WDR20: variants seen among roughly 807,000 people sequenced by gnomAD.
The protein encoded by WDR20 is WD repeat domain 20.
Under a neutral mutation model 38.7 loss-of-function variants are expected in WDR20, and 3 were observed. The ratio of observed to expected loss-of-function variants is 0.08; its 90% CI spans 0.04 to 0.20. WDR20 has a LOEUF of 0.20. Among genes scored for constraint, WDR20 ranks in the 10% least tolerant of loss-of-function variants. The probability of loss-of-function intolerance (pLI) is 1.00; values close to 1 mark genes in which losing one functional copy is unlikely to be tolerated. For missense variants in WDR20, 559 were observed against 727.7 expected, an observed-to-expected ratio of 0.77 and a Z score of 2.67; for synonymous variants, 298 against 285.6, an observed-to-expected ratio of 1.04 and a Z score of -0.44.
At chr14:102,214,390 G>T (rs1309201338), downstream of WDR20, 2 of 985,314 alleles carry the variant, frequency 2.0e-6, no homozygotes, top group Admixed American at 6.1e-5. Flanking sequence ...GAAGTCTGTG[G>T]CTTTATATGT....
intron 1 of WDR20, among the ~76,000 whole-genome samples, chr14:102,142,809 G>A (rs2051928112): frequency 7.1e-6 from 1 of 140,784 alleles, no homozygotes; most frequent in Admixed American, 7.2e-5. Context: ...GTCCTTTGAG[G>A]CGTGTAAAAT....
intron 1 of WDR20, among the ~76,000 whole-genome samples, chr14:102,175,495 A>AT (rs1437221966): frequency 6.6e-6 from 1 of 151,540 alleles, no homozygotes; most frequent in Admixed American, 6.6e-5. Flanking sequence ...ATGCCCCCAG[A>AT]TTTTTTTCTT....
chr14:102,224,653 G>A (rs1309227875), downstream of WDR20: 12 of 455,956 alleles, frequency 2.6e-5, no homozygotes, highest in Admixed American at 9.4e-5. Context: ...ATGCAGCCAC[G>A]GAAAACTTCA....
chr14:102,208,854 C>T lies in WDR20; in HGVS notation c.684C>T (p.Phe228=), dbSNP rs759623756. The stretch of plus-strand genomic sequence containing the variant: ...AGGGGGCCCTCAACGAGTTTGCTTT[C>T]TCCCCAGATGGCAAGTTCTTAGCGT... ...VGEGALNEFA[F]SPDGKFLACV... Residue 228 remains phenylalanine (F), a synonymous_variant, in exon 3 of 3, where the codon TTC becomes TTT. Coordinates refer to ENST00000342702, the MANE Select transcript of WDR20 (RefSeq NM_144574.4). This position sits in a 1 kb window ranked among gnomAD's most constrained non-coding sequence, Gnocchi z 5.6. 1 of 1,614,252 alleles carries T rather than the reference C, an allele frequency of 6.2e-7. No individual in the cohort carries two copies. Among genetic ancestry groups the T allele is most frequent in the South Asian group, 1.1e-5 (1 of 91,088 alleles).
chr14:102,179,254 T>C (rs1374652769), intron 1 of WDR20, among the ~76,000 whole-genome samples: 1 of 152,000 alleles, frequency 6.6e-6, no homozygotes, highest in African/African-American at 2.4e-5. Context: ...TGTGTCAGAA[T>C]TAGGAGGTAT....
intron 1 of WDR20, among the ~76,000 whole-genome samples, chr14:102,159,097 C>G (rs1465202406): frequency 2.6e-5 from 4 of 152,024 alleles, no homozygotes; most frequent in African/African-American, 9.7e-5. Flanking sequence ...GGTGCACCAC[C>G]ACACCCCTGG....
chr14:102,142,937 C>T (rs565120333), intron 1 of WDR20, among the ~76,000 whole-genome samples: 4 of 151,938 alleles, frequency 2.6e-5, no homozygotes, highest in South Asian at 2.1e-4. Flanking sequence ...TCATTAATTA[C>T]GTGCTACCAT....
chr14:102,140,315 C>T, intron 1 of WDR20, 143 bp downstream of exon 1: 1 of 1,337,820 alleles, frequency 7.5e-7, no homozygotes, highest in South Asian at 1.4e-5. Context: ...TGGGGTACTC[C>T]TGAGGAGAGG....
rs143322608 is a variant in WDR20 at position 102,155,913 on chromosome 14, T to C, written c.249+15741T>C. Among the ~76,000 whole-genome samples, 35 of 151,654 alleles carry C rather than the reference T, an allele frequency of 2.3e-4. No homozygotes were observed. The East Asian group carries it at 3.1e-3, about 14-fold the overall frequency. Reference sequence around the variant, plus strand: ...CCTGACTTTCTCAGGTAGATGGGTCTACATGAAGCTTGGCTAATTTTTAAT... The same window carrying C: ...CCTGACTTTCTCAGGTAGATGGGTCCACATGAAGCTTGGCTAATTTTTAAT... On this transcript the variant is annotated intron_variant, in intron 1 of 2. Coordinates refer to ENST00000342702, the MANE Select transcript of WDR20 (RefSeq NM_144574.4).
chr14:102,144,751 T>C (rs2052992618), intron 1 of WDR20, among the ~76,000 whole-genome samples: 1 of 151,918 alleles, frequency 6.6e-6, no homozygotes, highest in South Asian at 2.1e-4. Flanking sequence ...TTGCCCAGGC[T>C]GGAGTGCAGT....
intron 1 of WDR20, among the ~76,000 whole-genome samples, chr14:102,161,138 A>T (rs1339716250): frequency 1.0e-3 from 11 of 10,890 alleles, no homozygotes; most frequent in East Asian, 0.014. Context: ...ATATATATAT[A>T]TATATTTTTT....
At chr14:102,195,668 T>C (rs2059291736) in intron 2 of WDR20, among the ~76,000 whole-genome samples, 1 of 152,262 alleles carries the variant, frequency 6.6e-6, no homozygotes, top group Non-Finnish European at 1.5e-5. Flanking sequence ...GCCAGTGTTG[T>C]AGTATGTACT....
rs1025172741 is a variant in WDR20 at position 102,202,632 on chromosome 14, G to A, written c.433-5971G>A. 5.3e-5 allele frequency among the ~76,000 whole-genome samples: 8 copies of A among 151,918 alleles called. No homozygotes were observed. The East Asian group carries it at 7.7e-4, about 15-fold the overall frequency. On this transcript the variant is annotated intron_variant, in intron 2 of 2. Coordinates refer to ENST00000342702, the MANE Select transcript of WDR20 (RefSeq NM_144574.4). ...CCTGACCTCGTGATCCGCCCGCCTT[G>A]GCCTCCCAAAGTACTGGGATTACAG...
At chr14:102,176,737 C>T (rs1433143619) in intron 1 of WDR20, among the ~76,000 whole-genome samples, 1 of 151,480 alleles carries the variant, frequency 6.6e-6, no homozygotes, top group Non-Finnish European at 1.5e-5. Flanking sequence ...GGATTGGTGC[C>T]AATTTTTTTT....
intron 2 of WDR20, among the ~76,000 whole-genome samples, chr14:102,198,672 T>C (rs2059814280): frequency 6.6e-6 from 1 of 152,204 alleles, no homozygotes; most frequent in Non-Finnish European, 1.5e-5. Flanking sequence ...GATCCAGATT[T>C]GTTTCTTAGC....
rs980758954 is a variant in WDR20, at chr14:102,207,538, C to T, written c.433-1065C>T. Among the ~76,000 whole-genome samples, 1 of 152,194 alleles carries T rather than the reference C, an allele frequency of 6.6e-6. No individual in the cohort carries two copies. The highest frequency in any genetic ancestry group is 2.4e-5 in the African/African-American group (1 of 41,448). On this transcript the variant is annotated intron_variant, in intron 2 of 2. Coordinates refer to ENST00000342702, the MANE Select transcript of WDR20 (RefSeq NM_144574.4). This position sits in a 1 kb window ranked among gnomAD's most constrained non-coding sequence, Gnocchi z 5.0. ...GCGGTGGTGTTCAACTTACCTGGGG[C>T]TGCTGGGCTCCTAAAGGGACACTGT...
At chr14:102,200,443 A>T (rs1596750300) in intron 2 of WDR20, among the ~76,000 whole-genome samples, 1 of 133,308 alleles carries the variant, frequency 7.5e-6, no homozygotes, top group Non-Finnish European at 1.6e-5. Flanking sequence ...AGGGGCGAGG[A>T]GTTTACTTTT....
At chr14:102,164,699 C>CT (rs2059411404) in intron 1 of WDR20, among the ~76,000 whole-genome samples, 1 of 152,074 alleles carries the variant, frequency 6.6e-6, no homozygotes, top group African/African-American at 2.4e-5. Flanking sequence ...TTAACCTCAA[C>CT]TTTTTTTTAT....
At chr14:102,169,440 C>T (rs1392025992) in intron 1 of WDR20, among the ~76,000 whole-genome samples, 1 of 152,140 alleles carries the variant, frequency 6.6e-6, no homozygotes, top group African/African-American at 2.4e-5. Context: ...AGGGCTTTAT[C>T]TGTCTTTGTT....
Sources: gnomAD v4.1 joint callset for allele counts (sites outside exome capture counted in the v4.1 genomes callset) on GRCh38, gnomAD v4.1.1 for gene constraint, Gnocchi (gnomAD v3.1) non-coding constraint, MANE v1.5 for transcripts, NCBI Gene and HGNC (gene_info 2026-07-23, HGNC 2026-07-21) for gene names.